The following STIM2 variants were observed in gnomAD, a reference collection of about 807,000 sequenced individuals.
STIM2 encodes stromal interaction molecule 2.
In STIM2, 31 loss-of-function variants were observed where a neutral mutation model predicts 85.8. The observed-to-expected ratio is 0.36, with a 90% CI of 0.27 to 0.49. The LOEUF is 0.49. Among genes scored for constraint, STIM2 ranks in the 20% least tolerant of loss-of-function variants. The pLI, the probability that STIM2 is intolerant of heterozygous loss-of-function variation, is 0.98. For missense variants in STIM2, 841 were observed against 927.6 expected, an observed-to-expected ratio of 0.91 and a Z score of 1.21; for synonymous variants, 356 against 331.1, an observed-to-expected ratio of 1.08 and a Z score of -0.82.
At chr4:26,885,857 A>ATATATGTG (rs1723214495) in intron 1 of STIM2, among the ~76,000 whole-genome samples, 2 of 67,816 alleles carry the variant, frequency 2.9e-5, no homozygotes, top group African/African-American at 6.2e-5. Flanking sequence ...ATATATATAT[A>ATATATGTG]TATATATATA....
intron 1 of STIM2, chr4:26,873,516 G>A (rs1722705844): frequency 1.4e-5 from 5 of 358,526 alleles, no homozygotes; most frequent in South Asian, 1.3e-4. Flanking sequence ...TTATTTCCTT[G>A]TTAGCAGTAG....
chr4:26,898,970 T>C (rs1723811251), intron 1 of STIM2, among the ~76,000 whole-genome samples: 1 of 152,052 alleles, frequency 6.6e-6, no homozygotes. Context: ...CCCAAGTCTT[T>C]ATACCTTGGA....
intron 1 of STIM2, among the ~76,000 whole-genome samples, chr4:26,896,100 C>T (rs1478271490): frequency 1.3e-5 from 2 of 152,186 alleles, no homozygotes; most frequent in African/African-American, 4.8e-5. Flanking sequence ...TGTTGTAGTA[C>T]TGAGGTCTTC....
In STIM2 at chr4:27,023,050, C is replaced by A; in HGVS notation, c.*54C>A. Reference sequence around the variant, plus strand: ...AGTGGCATCTGTAAACTATTATCCCCCACCCTCCACTCCCCACCTTTTTTT... The same window carrying A: ...AGTGGCATCTGTAAACTATTATCCCACACCCTCCACTCCCCACCTTTTTTT... On this transcript the variant is annotated 3_prime_UTR_variant, in exon 12 of 12. Transcript: ENST00000467087. The A allele has an allele frequency of 6.6e-7, 1 of 1,509,490 alleles. No homozygotes were observed. Among genetic ancestry groups the A allele is most frequent in the Non-Finnish European group, 9.0e-7 (1 of 1,115,158 alleles). 93.5% of individuals were successfully genotyped at this position (1,509,490 alleles called of 1,614,324 possible).
intron 1 of STIM2, among the ~76,000 whole-genome samples, chr4:26,905,139 A>G (rs1278922578): frequency 6.6e-6 from 1 of 152,226 alleles, no homozygotes; most frequent in Non-Finnish European, 1.5e-5. Flanking sequence ...GATACGAAAT[A>G]GAATGGGAGA....
intron 1 of STIM2, among the ~76,000 whole-genome samples, chr4:26,895,381 C>G (rs867389676): frequency 1.8e-4 from 27 of 152,146 alleles, no homozygotes; most frequent in African/African-American, 6.3e-4. Context: ...AAAACATAAA[C>G]GTTTTTATTT....
At chr4:27,020,203 G>C (rs1404320817) in intron 11 of STIM2, among the ~76,000 whole-genome samples, 2 of 152,174 alleles carry the variant, frequency 1.3e-5, no homozygotes, top group Non-Finnish European at 1.5e-5. Context: ...GCCTAGCTTA[G>C]AATTTCACAC....
At chr4:26,919,931 C>G (rs891517766) in intron 2 of STIM2, among the ~76,000 whole-genome samples, 2 of 152,104 alleles carry the variant, frequency 1.3e-5, no homozygotes, top group African/African-American at 4.8e-5. Flanking sequence ...GCTTTACAAA[C>G]CACTCCAAAT....
chr4:26,899,525 A>T (rs575315503), intron 1 of STIM2, among the ~76,000 whole-genome samples: 50 of 152,286 alleles, frequency 3.3e-4, no homozygotes, highest in African/African-American at 1.2e-3. Context: ...CTAATGAAAC[A>T]ATCAAGGTTT....
At chr4:27,013,010 A>C (rs933721316) in intron 10 of STIM2, among the ~76,000 whole-genome samples, 1 of 152,008 alleles carries the variant, frequency 6.6e-6, no homozygotes, top group Non-Finnish European at 1.5e-5. Flanking sequence ...AATTTTTAGA[A>C]TGAGTTGCGT....
chr4:26,982,916 TA>T (rs1269728383), intron 3 of STIM2, among the ~76,000 whole-genome samples: 1 of 152,218 alleles, frequency 6.6e-6, no homozygotes, highest in Non-Finnish European at 1.5e-5. Flanking sequence ...TCTGTTATCT[TA>T]ATATGTTTAC....
At chr4:26,921,785 G>A (rs1724807195) in intron 2 of STIM2, among the ~76,000 whole-genome samples, 1 of 152,138 alleles carries the variant, frequency 6.6e-6, no homozygotes. Context: ...CACTTTGAGA[G>A]TGTGATAGCT....
intron 10 of STIM2, among the ~76,000 whole-genome samples, chr4:27,016,309 G>A (rs965533112): frequency 1.3e-5 from 2 of 152,086 alleles, no homozygotes; most frequent in Non-Finnish European, 2.9e-5. Context: ...GCAGTTTCTT[G>A]TGTTTGCATA....
intron 1 of STIM2, among the ~76,000 whole-genome samples, chr4:26,882,312 G>C (rs779362577): frequency 6.6e-6 from 1 of 152,024 alleles, no homozygotes; most frequent in Non-Finnish European, 1.5e-5. Flanking sequence ...TTCCAGTTTT[G>C]TAAAGTTTCA....
chr4:26,969,856 G>A (rs1004867761), intron 3 of STIM2, among the ~76,000 whole-genome samples: 1 of 152,038 alleles, frequency 6.6e-6, no homozygotes, highest in African/African-American at 2.4e-5. Context: ...ATGGGAGGCT[G>A]AATTTATGAC....
chr4:26,879,756 C>CT (rs777290776), intron 1 of STIM2, among the ~76,000 whole-genome samples: 2 of 152,114 alleles, frequency 1.3e-5, no homozygotes, highest in African/African-American at 4.8e-5. Flanking sequence ...TAGAAACACA[C>CT]TTTAAGTTTT....
intron 4 of STIM2, among the ~76,000 whole-genome samples, chr4:26,997,226 C>CATTG (rs1727989289): frequency 6.6e-6 from 1 of 152,072 alleles, no homozygotes; most frequent in Non-Finnish European, 1.5e-5. Flanking sequence ...GACATAAGAA[C>CATTG]TAGTTACAAG....
chr4:26,876,881 A>C, intron 1 of STIM2, among the ~76,000 whole-genome samples: 1 of 152,164 alleles, frequency 6.6e-6, no homozygotes, highest in East Asian at 1.9e-4. Context: ...TAGGTGATAG[A>C]AAATATTTTT....
At chr4:26,891,687 T>C (rs949955387) in intron 1 of STIM2, among the ~76,000 whole-genome samples, 3 of 152,072 alleles carry the variant, frequency 2.0e-5, no homozygotes, top group African/African-American at 7.2e-5. Context: ...AAATAAGGAA[T>C]ATGTTGCCTT....
Sources: gnomAD v4.1 joint callset for allele counts (sites outside exome capture counted in the v4.1 genomes callset) on GRCh38, gnomAD v4.1.1 for gene constraint, MANE v1.5 for transcripts, NCBI Gene and HGNC (gene_info 2026-07-23, HGNC 2026-07-21) for gene names.